Variants in DNAH5 observed in about 807,000 individuals in gnomAD.
The protein encoded by DNAH5 is dynein axonemal heavy chain 5.
A neutral mutation model predicts 518.2 loss-of-function variants in DNAH5; 372 were observed. That is an observed-to-expected ratio of 0.72 (90% CI 0.66 to 0.78). The LOEUF is 0.78. Among genes scored for constraint, DNAH5 ranks in the 30% least tolerant of loss-of-function variants. The pLI is 0.00. For synonymous variants in DNAH5, 2,039 were observed against 2,025.9 expected (o/e 1.01, Z -0.17); for missense variants, 5,523 against 5,687.0 (o/e 0.97, Z 0.93).
chr5:13,882,996 C>T lies in DNAH5; in HGVS notation c.3082G>A (p.Glu1028Lys). ...TTGTTCAGGGTCTGCTGTACATCTT[C>T]CAGGGCAGGGGCCATGACGATGTTG... Reference protein sequence around the residue: ...IPNIVMAPALEDVQQTLNKAV... With the variant: ...IPNIVMAPALKDVQQTLNKAV... Residue 1028 changes from glutamate to lysine, a missense_variant, in exon 20 of 79, where the codon GAA (glutamate) becomes AAA (lysine). Glu to Lys is a moderately conservative substitution (Grantham distance 56). This residue lies in a region of DNAH5 where 5,121 missense variants were observed against 5,223.3 expected (regional missense o/e 0.98). Coordinates refer to ENST00000265104, the MANE Select transcript of DNAH5 (RefSeq NM_001369.3). 1 of 1,614,140 alleles carries T rather than the reference C, an allele frequency of 6.2e-7. No homozygotes were observed. Among genetic ancestry groups the T allele is most frequent in the Non-Finnish European group, 8.5e-7 (1 of 1,179,998 alleles).
At chr5:13,927,759 A>T (rs1331214444) in intron 3 of DNAH5, among the ~76,000 whole-genome samples, 1 of 152,218 alleles carries the variant, frequency 6.6e-6, no homozygotes, top group Non-Finnish European at 1.5e-5. Context: ...ACACAGAATG[A>T]ACTAGAATAT....
chr5:13,722,642 T>C (rs1745208110), intron 70 of DNAH5, among the ~76,000 whole-genome samples: 1 of 152,094 alleles, frequency 6.6e-6, no homozygotes, highest in Non-Finnish European at 1.5e-5. Context: ...TGTCTGAAAA[T>C]TGGTCATCAG....
chr5:13,929,777 T>C (rs1284312494), intron 2 of DNAH5, among the ~76,000 whole-genome samples: 3 of 152,156 alleles, frequency 2.0e-5, no homozygotes, highest in Non-Finnish European at 2.9e-5. Context: ...GACCTTGACA[T>C]AGGAGTTTAA....
At position 13,777,207 on chromosome 5, in the gene DNAH5, CTGA is replaced by C; in HGVS notation, c.9097_9099del (p.Ser3033del). The C allele has an allele frequency of 6.2e-7, 1 of 1,612,396 alleles. No individual in the cohort carries two copies. The highest frequency in any genetic ancestry group is 8.5e-7 in the Non-Finnish European group (1 of 1,178,994). On this transcript the variant is annotated inframe_deletion, in exon 54 of 79. Coordinates refer to ENST00000265104, the MANE Select transcript of DNAH5 (RefSeq NM_001369.3). ...AAGAATAAATGAGCTCCTACCTCAC[CTGA>C]TGATAAAACATTGTTCATATATTCC...
intron 1 of DNAH5, among the ~76,000 whole-genome samples, chr5:14,000,663 C>G (rs1471493737): frequency 6.6e-6 from 1 of 150,628 alleles, no homozygotes; most frequent in South Asian, 2.1e-4. Flanking sequence ...GCTGGCAAGG[C>G]TGCGGGGAAA....
At chr5:13,928,910 G>T (rs7720156) in intron 2 of DNAH5, among the ~76,000 whole-genome samples, 1 of 152,064 alleles carries the variant, frequency 6.6e-6, no homozygotes, top group African/African-American at 2.4e-5. Flanking sequence ...GTAAATGGTG[G>T]AGCCGTTGTG....
chr5:13,778,539 G>GAAAGAAAGAAAGAAAGA (rs781056550), intron 53 of DNAH5, among the ~76,000 whole-genome samples: 1 of 73,858 alleles, frequency 1.4e-5, no homozygotes, highest in African/African-American at 5.3e-5. Flanking sequence ...GAGAGAGAGA[G>GAAAGAAAGAAAGAAAGA]AAGAAAGAAA....
In DNAH5 at chr5:13,727,551, G is replaced by A; in HGVS notation, c.11989C>T (p.Leu3997Phe). ...GGACACCAGGATCTAATAAGGAGAA[G>A]ACGTCTGAAGCAGTCAAGAGATTTA... is the stretch of plus-strand genomic sequence containing the variant. Reference protein sequence around the residue: ...YDKSLDCFRRLLLIRSWCPDR... With the variant: ...YDKSLDCFRRFLLIRSWCPDR... Residue 3997 changes from leucine (L) to phenylalanine (F), a missense_variant, in exon 70 of 79, where the codon CTT becomes TTT. Transcript: ENST00000265104. 1.2e-6 allele frequency: 2 copies of A among 1,613,826 alleles called. No homozygotes were observed. Among genetic ancestry groups the A allele is most frequent in the South Asian group, 1.1e-5 (1 of 91,066 alleles).
At chr5:13,805,237 C>T (rs555495412) in intron 47 of DNAH5, among the ~76,000 whole-genome samples, 2 of 152,284 alleles carry the variant, frequency 1.3e-5, no homozygotes, top group South Asian at 2.1e-4. Context: ...CAGTGACTCA[C>T]GCCTGTAATC....
In DNAH5 at chr5:13,716,472, C is replaced by A. The variant is rs1048170874; in HGVS notation, c.12909+15G>T. ...AGATATTTGCTCTATGCATAAAATT[C>A]TGAAGTTGACAAACCTGGATATACT... is the stretch of plus-strand genomic sequence containing the variant. On this transcript the variant is annotated intron_variant, in intron 74 of 78. Coordinates refer to ENST00000265104, the MANE Select transcript of DNAH5 (RefSeq NM_001369.3). 1 of 1,599,974 alleles carries A rather than the reference C, an allele frequency of 6.3e-7. No individual in the cohort carries two copies. Among genetic ancestry groups the A allele is most frequent in the East Asian group, 2.2e-5 (1 of 44,740 alleles).
At chr5:13,834,934 A>C (rs1580486123) in intron 35 of DNAH5, among the ~76,000 whole-genome samples, 1 of 152,328 alleles carries the variant, frequency 6.6e-6, no homozygotes, top group East Asian at 1.9e-4. Flanking sequence ...CTGAACTGAG[A>C]ACAGACTGTA....
At chr5:13,939,281 C>G (rs1333873956) in intron 1 of DNAH5, among the ~76,000 whole-genome samples, 1 of 152,164 alleles carries the variant, frequency 6.6e-6, no homozygotes, top group Non-Finnish European at 1.5e-5. Flanking sequence ...CCTAGACCAA[C>G]GTGAGTCCAC....
chr5:13,906,804 A>G (rs1775356447), intron 12 of DNAH5, among the ~76,000 whole-genome samples: 1 of 152,200 alleles, frequency 6.6e-6, no homozygotes, highest in Non-Finnish European at 1.5e-5. Context: ...ACATATTAAA[A>G]TTTGTAAGAA....
intron 61 of DNAH5, among the ~76,000 whole-genome samples, chr5:13,757,292 G>A (rs1751133125): frequency 6.6e-6 from 1 of 152,184 alleles, no homozygotes; most frequent in Non-Finnish European, 1.5e-5. Context: ...CTATCTACCA[G>A]AATGGTTGAA....
chr5:13,740,929 GAT>G (rs1236945241), intron 65 of DNAH5, among the ~76,000 whole-genome samples: 1 of 152,138 alleles, frequency 6.6e-6, no homozygotes, highest in East Asian at 1.9e-4. Flanking sequence ...ATGCTCCAGG[GAT>G]AGTTTGGTCT....
chr5:13,919,400 C>T lies in DNAH5; in HGVS notation c.799-48G>A, dbSNP rs763157804. 5.7e-5 allele frequency: 92 copies of T among 1,601,448 alleles called. 1 individual carries two copies. In the East Asian group the frequency reaches 2.0e-3, roughly 35 times the overall value. On this transcript the variant is annotated intron_variant, in intron 6 of 78. Transcript: ENST00000265104. ...ACGAGCCATTGCACGGGGCTGGAGA[C>T]GCTAAAGTTATAAACAAGCAAAAAA...
At chr5:13,959,238 T>C (rs1780983146) in intron 1 of DNAH5, among the ~76,000 whole-genome samples, 1 of 152,220 alleles carries the variant, frequency 6.6e-6, no homozygotes, top group South Asian at 2.1e-4. Context: ...TGAGCCTCTG[T>C]GCCTGGTTCT....
intron 78 of DNAH5, among the ~76,000 whole-genome samples, chr5:13,696,312 T>A (rs890477868): frequency 6.6e-6 from 1 of 152,224 alleles, no homozygotes; most frequent in East Asian, 1.9e-4. Context: ...ATCTTTCTTC[T>A]ATCTGTCCTT....
chr5:13,817,119 T>C (rs1271913125), intron 42 of DNAH5, among the ~76,000 whole-genome samples: 5 of 152,248 alleles, frequency 3.3e-5, no homozygotes, highest in Non-Finnish European at 7.3e-5. Flanking sequence ...TTTTGCTATA[T>C]ACAATTTTCT....
Sources: allele counts gnomAD v4.1 joint callset (sites outside exome capture counted in the v4.1 genomes callset), GRCh38; gene constraint gnomAD v4.1.1; regional missense constraint gnomAD v4.1.1; transcripts MANE v1.5; gene names NCBI Gene and HGNC (gene_info 2026-07-23, HGNC 2026-07-21).